ADAMTS17: variants seen among roughly 807,000 people sequenced by gnomAD.
ADAMTS17 encodes the protein ADAM metallopeptidase with thrombospondin type 1 motif 17.
Under a neutral mutation model 141.5 loss-of-function variants are expected in ADAMTS17, and 113 were observed. That is an observed-to-expected ratio of 0.80 (90% CI 0.69 to 0.93). ADAMTS17 has a LOEUF of 0.93. Among genes scored for constraint, ADAMTS17 ranks in the 40% least tolerant of loss-of-function variants. The pLI, the probability that ADAMTS17 is intolerant of heterozygous loss-of-function variation, is 0.00. For missense variants in ADAMTS17, 1,659 were observed against 1,517.9 expected, an observed-to-expected ratio of 1.09 and a Z score of -1.54; for synonymous variants, 768 against 630.6, an observed-to-expected ratio of 1.22 and a Z score of -3.27.
At chr15:100,235,275 T>C (rs1434297814) in intron 7 of ADAMTS17, among the ~76,000 whole-genome samples, 1 of 152,156 alleles carries the variant, frequency 6.6e-6, no homozygotes, top group Non-Finnish European at 1.5e-5. Context: ...TCAGTAGGGC[T>C]GGTGGCAGGC....
At position 99,974,575 on chromosome 15, in the gene ADAMTS17, G is replaced by A. The variant is rs1389065059; in HGVS notation, c.3128-13C>T. Reference sequence around the variant, plus strand: ...TAGGTCAGAGCAGCTAAGGGGATAGGAGAGAGAATACCCAGGGTCAGGGAT... The same window carrying A: ...TAGGTCAGAGCAGCTAAGGGGATAGAAGAGAGAATACCCAGGGTCAGGGAT... On this transcript the variant is annotated splice_polypyrimidine_tract_variant and intron_variant, in intron 21 of 21. Transcript: ENST00000268070. 6.2e-7 allele frequency: 1 copy of A among 1,614,154 alleles called. No individual in the cohort carries two copies. Among genetic ancestry groups the A allele is most frequent in the Non-Finnish European group, 8.5e-7 (1 of 1,179,958 alleles).
intron 3 of ADAMTS17, among the ~76,000 whole-genome samples, chr15:100,316,797 T>C (rs1567528611): frequency 1.3e-5 from 2 of 152,164 alleles, no homozygotes; most frequent in Non-Finnish European, 2.9e-5. Context: ...TCCCTCTCTC[T>C]CAGAGATGAG....
At chr15:100,011,706 G>A (rs1238290357) in intron 18 of ADAMTS17, among the ~76,000 whole-genome samples, 1 of 152,188 alleles carries the variant, frequency 6.6e-6, no homozygotes, top group African/African-American at 2.4e-5. Context: ...ATCTCACTCA[G>A]GTTGCTGCAA....
intron 8 of ADAMTS17, among the ~76,000 whole-genome samples, chr15:100,172,934 C>T (rs1258052768): frequency 6.6e-6 from 1 of 152,200 alleles, no homozygotes; most frequent in Non-Finnish European, 1.5e-5. Context: ...CTGTTTCCAA[C>T]ATCTATCAAA....
chr15:100,072,528 A>G (rs1476432812), intron 15 of ADAMTS17, among the ~76,000 whole-genome samples: 5 of 152,108 alleles, frequency 3.3e-5, no homozygotes, highest in African/African-American at 9.7e-5. Flanking sequence ...TACAGTAACC[A>G]AAACAGCATG....
At chr15:100,136,293 G>C (rs150226014) in intron 10 of ADAMTS17, among the ~76,000 whole-genome samples, 28 of 152,344 alleles carry the variant, frequency 1.8e-4, no homozygotes, top group Non-Finnish European at 4.0e-4. Context: ...AGTCAGGATA[G>C]TGGCTACCTT....
intron 18 of ADAMTS17, among the ~76,000 whole-genome samples, chr15:100,037,946 A>ATT (rs201512296): frequency 0.017 from 2,417 of 140,264 alleles, 59 homozygotes; most frequent in African/African-American, 0.054. Flanking sequence ...CTAATTTTGT[A>ATT]TTTTTTTTTT....
At chr15:100,104,586 A>C (rs1010370780) in intron 14 of ADAMTS17, among the ~76,000 whole-genome samples, 3 of 152,182 alleles carry the variant, frequency 2.0e-5, no homozygotes, top group Non-Finnish European at 2.9e-5. Context: ...CTGCTACCCC[A>C]AAATAGCACA....
intron 10 of ADAMTS17, among the ~76,000 whole-genome samples, chr15:100,148,287 G>T (rs537807417): frequency 6.6e-6 from 1 of 152,216 alleles, no homozygotes; most frequent in African/African-American, 2.4e-5. Context: ...AAGACTTTGA[G>T]TGTATCTAAA....
At chr15:100,128,117 A>G (rs2037840341) in intron 12 of ADAMTS17, among the ~76,000 whole-genome samples, 1 of 152,050 alleles carries the variant, frequency 6.6e-6, no homozygotes, top group South Asian at 2.1e-4. Context: ...TGGTGGTGCT[A>G]TTTACTGAGA....
intron 7 of ADAMTS17, among the ~76,000 whole-genome samples, chr15:100,211,048 C>T (rs1390812307): frequency 2.0e-5 from 3 of 151,052 alleles, no homozygotes; most frequent in East Asian, 1.9e-4. Flanking sequence ...TGCAGTGAGC[C>T]GAGATTGCGC....
At chr15:100,079,037 A>T (rs952969983) in intron 15 of ADAMTS17, among the ~76,000 whole-genome samples, 2 of 152,238 alleles carry the variant, frequency 1.3e-5, no homozygotes, top group African/African-American at 4.8e-5. Context: ...ACCCACTAGG[A>T]TGACTCTAAC....
intron 18 of ADAMTS17, among the ~76,000 whole-genome samples, chr15:100,002,931 A>G (rs1310658993): frequency 2.0e-5 from 3 of 152,022 alleles, no homozygotes; most frequent in Admixed American, 1.3e-4. Flanking sequence ...CCCCCAGCAC[A>G]TGAGGTGTAG....
At chr15:100,081,211 C>G (rs2034712500) in intron 15 of ADAMTS17, among the ~76,000 whole-genome samples, 1 of 152,186 alleles carries the variant, frequency 6.6e-6, no homozygotes, top group Non-Finnish European at 1.5e-5. Flanking sequence ...TTCTCCTGTG[C>G]TAGATGCTTC....
chr15:100,275,361 T>C (rs570954788), intron 4 of ADAMTS17, among the ~76,000 whole-genome samples: 1 of 152,230 alleles, frequency 6.6e-6, no homozygotes, highest in Non-Finnish European at 1.5e-5. Context: ...AGCCCAATGC[T>C]GCCTAGTGAC....
chr15:100,175,538 C>T (rs144940102), intron 8 of ADAMTS17, among the ~76,000 whole-genome samples: 34 of 152,226 alleles, frequency 2.2e-4, no homozygotes, highest in African/African-American at 7.9e-4. Context: ...ATAAAGGGAG[C>T]CTGAACAGCA....
At chr15:100,151,606 A>C (rs1447345178) in intron 10 of ADAMTS17, among the ~76,000 whole-genome samples, 1 of 152,110 alleles carries the variant, frequency 6.6e-6, no homozygotes, top group Non-Finnish European at 1.5e-5. Flanking sequence ...CCTCAGGCTG[A>C]CCACCTGCTG....
chr15:100,106,992 C>T lies in ADAMTS17; in HGVS notation c.2016+1997G>A, dbSNP rs141158252. ...TGTGCCAAGACTCTTGGGCACCAGG[C>T]GCTTATCACCCACATTTATCTGTAT... On this transcript the variant is annotated intron_variant, in intron 14 of 21. Transcript: ENST00000268070. Among the ~76,000 whole-genome samples, 50 of 152,318 alleles carry T rather than the reference C, an allele frequency of 3.3e-4. 1 individual carries two copies. The East Asian group carries it at 8.1e-3, about 25-fold the overall frequency.
intron 12 of ADAMTS17, among the ~76,000 whole-genome samples, chr15:100,118,756 A>G (rs935042938): frequency 2.0e-5 from 3 of 152,162 alleles, no homozygotes. Flanking sequence ...AGCCACATGG[A>G]TCAGTAGGAG....
Sources: allele counts gnomAD v4.1 joint callset (sites outside exome capture counted in the v4.1 genomes callset), GRCh38; gene constraint gnomAD v4.1.1; transcripts MANE v1.5; gene names NCBI Gene and HGNC (gene_info 2026-07-23, HGNC 2026-07-21).